Variants in EDARADD observed in about 807,000 individuals in gnomAD.
EDARADD encodes ectodysplasin-A receptor-associated adapter protein.
In EDARADD, 20 loss-of-function variants were observed where a neutral mutation model predicts 25.6. That is an observed-to-expected ratio of 0.78 (90% CI 0.55 to 1.14). The LOEUF (loss-of-function observed/expected upper bound fraction) is 1.14, where lower values mean the gene tolerates loss of function less well. Ranked by LOEUF, EDARADD falls within the 50% of genes most tolerant of loss-of-function variation. The pLI is 0.00. For synonymous variants in EDARADD, 86 were observed against 94.4 expected (o/e 0.91, Z 0.52); for missense variants, 225 against 270.1 (o/e 0.83, Z 1.17).
At chr1:236,353,638 A>G (rs1666943630) in intron 3 of EDARADD, among the ~76,000 whole-genome samples, 1 of 148,510 alleles carries the variant, frequency 6.7e-6, no homozygotes, top group African/African-American at 2.5e-5. Flanking sequence ...AGATCGCACA[A>G]CTGCACTTCA....
intron 2 of EDARADD, among the ~76,000 whole-genome samples, chr1:236,412,649 C>T (rs1352200793): frequency 6.6e-6 from 1 of 152,200 alleles, no homozygotes; most frequent in Non-Finnish European, 1.5e-5. Flanking sequence ...TACTTTGCTG[C>T]TTCTTCTGAG....
intron 3 of EDARADD, among the ~76,000 whole-genome samples, chr1:236,420,674 T>C (rs1018370292): frequency 1.3e-5 from 2 of 152,234 alleles, no homozygotes; most frequent in African/African-American, 4.8e-5. Context: ...CACTCTCTAC[T>C]GTCTGAAAGG....
At chr1:236,405,907 TTCTTTCTTTCTTTCTTTC>T (rs1341673085) in intron 1 of EDARADD, among the ~76,000 whole-genome samples, 8,536 of 69,214 alleles carry the variant, frequency 0.12, 1,112 homozygotes, top group Non-Finnish European at 0.17. Flanking sequence ...CTTTCTTTCT[TTCTTTCTTTCTTTCTTTC>T]TCTTTCCTTT....
At position 236,462,436 on chromosome 1, in the gene EDARADD, C is replaced by T. The variant is rs536904080; in HGVS notation, c.220-5795C>T. ...TGGGGTCTCGGTGCAGGAGCTCAGT[C>T]CAAATCAGTGGCCTCTCCTCATTTT... On this transcript the variant is annotated intron_variant, in intron 4 of 5. Transcript: ENST00000334232. 2.0e-5 allele frequency among the ~76,000 whole-genome samples: 3 copies of T among 151,750 alleles called. No individual in the cohort carries two copies. The South Asian group carries it at 6.3e-4, about 32-fold the overall frequency.
At chr1:236,405,874 C>CTTCCTTCTTTCT (rs56931070) in intron 1 of EDARADD, among the ~76,000 whole-genome samples, 63 of 30,848 alleles carry the variant, frequency 2.0e-3, no homozygotes, top group East Asian at 0.014. Flanking sequence ...TCCTTCCTTC[C>CTTCCTTCTTTCT]TTCTTTCTTT....
intron 2 of EDARADD, among the ~76,000 whole-genome samples, chr1:236,413,419 C>G (rs1167195978): frequency 6.6e-6 from 1 of 152,184 alleles, no homozygotes; most frequent in Middle Eastern, 3.2e-3. Context: ...TTCTTTCTCT[C>G]TCTCCTCTCT....
At chr1:236,413,241 AT>A (rs1377798524) in intron 2 of EDARADD, among the ~76,000 whole-genome samples, 1 of 152,198 alleles carries the variant, frequency 6.6e-6, no homozygotes, top group Non-Finnish European at 1.5e-5. Flanking sequence ...ATGAGAACTA[AT>A]TTGATCTGGG....
At chr1:236,423,135 T>C (rs1657823373) in intron 3 of EDARADD, among the ~76,000 whole-genome samples, 1 of 152,208 alleles carries the variant, frequency 6.6e-6, no homozygotes, top group Non-Finnish European at 1.5e-5. Flanking sequence ...TGGGACTGCC[T>C]GTTGTAGACT....
chr1:236,429,058 G>A (rs976973851), intron 4 of EDARADD, among the ~76,000 whole-genome samples: 5 of 152,044 alleles, frequency 3.3e-5, no homozygotes, highest in Admixed American at 6.5e-5. Flanking sequence ...ATCAGGCAGG[G>A]AGGTTGCAGT....
At chr1:236,353,218 G>A (rs920852054) in intron 3 of EDARADD, among the ~76,000 whole-genome samples, 3 of 152,114 alleles carry the variant, frequency 2.0e-5, no homozygotes, top group African/African-American at 7.2e-5. Context: ...CAGCTCTGCA[G>A]GAGAGAACTG....
At chr1:236,370,987 G>A (rs951662473) in intron 3 of EDARADD, among the ~76,000 whole-genome samples, 1 of 152,144 alleles carries the variant, frequency 6.6e-6, no homozygotes, top group African/African-American at 2.4e-5. Flanking sequence ...AGATGGAGTC[G>A]GTTAACTTAG....
chr1:236,354,983 G>A (rs1303075265), intron 3 of EDARADD, among the ~76,000 whole-genome samples: 1 of 152,118 alleles, frequency 6.6e-6, no homozygotes, highest in African/African-American at 2.4e-5. Context: ...ACCCTGTGAG[G>A]CACAAAAACC....
At chr1:236,429,401 A>G (rs3119825) in intron 4 of EDARADD, among the ~76,000 whole-genome samples, 67,231 of 148,906 alleles carry the variant, frequency 0.45, 17,363 homozygotes, top group Non-Finnish European at 0.59. Context: ...TTTTTTAGAC[A>G]GAGTCTCGCT....
chr1:236,419,002 C>CA (rs1361020386), intron 3 of EDARADD, among the ~76,000 whole-genome samples: 1 of 152,158 alleles, frequency 6.6e-6, no homozygotes, highest in Non-Finnish European at 1.5e-5. Flanking sequence ...GGCAAGAATA[C>CA]AATGGTAACA....
At chr1:236,426,477 G>C (rs1343182298) in intron 3 of EDARADD, among the ~76,000 whole-genome samples, 1 of 152,158 alleles carries the variant, frequency 6.6e-6, no homozygotes, top group African/African-American at 2.4e-5. Context: ...TGAGAGCAGA[G>C]CAAAAAACCA....
chr1:236,465,590 CCT>C (rs747538485), intron 4 of EDARADD, among the ~76,000 whole-genome samples: 1 of 152,076 alleles, frequency 6.6e-6, no homozygotes, highest in Non-Finnish European at 1.5e-5. Flanking sequence ...CATCTGTACC[CCT>C]CTCTTGGAAG....
At chr1:236,387,151 G>T (rs1288905562) in intron 3 of EDARADD, among the ~76,000 whole-genome samples, 3 of 55,088 alleles carry the variant, frequency 5.4e-5, no homozygotes, top group African/African-American at 1.2e-4. Context: ...GAGGTGGGGG[G>T]GTCAGCCCCC....
intron 3 of EDARADD, among the ~76,000 whole-genome samples, chr1:236,371,966 T>C (rs1019921341): frequency 2.0e-5 from 3 of 151,856 alleles, no homozygotes; most frequent in African/African-American, 7.3e-5. Flanking sequence ...TATTTATTTA[T>C]TTTTTTGAGA....
At chr1:236,380,486 G>A (rs369526744) in intron 3 of EDARADD, among the ~76,000 whole-genome samples, 57 of 152,244 alleles carry the variant, frequency 3.7e-4, no homozygotes, top group African/African-American at 1.3e-3. Context: ...GACAGGGAAG[G>A]TCAAGACTTA....
Sources: allele counts gnomAD v4.1 joint callset (sites outside exome capture counted in the v4.1 genomes callset), GRCh38; gene constraint gnomAD v4.1.1; transcripts MANE v1.5; gene names NCBI Gene and HGNC (gene_info 2026-07-23, HGNC 2026-07-21).